OPA1: variants seen among roughly 807,000 people sequenced by gnomAD.
The protein encoded by OPA1 is dynamin-like GTPase OPA1, mitochondrial.
Under a neutral mutation model 152.9 loss-of-function variants are expected in OPA1, and 59 were observed. That is an observed-to-expected ratio of 0.39 (90% confidence interval 0.31 to 0.48). The LOEUF (loss-of-function observed/expected upper bound fraction) is 0.48, where lower values mean the gene tolerates loss of function less well. Ranked by LOEUF, OPA1 falls within the 20% of genes least tolerant of loss-of-function variation. The probability of loss-of-function intolerance (pLI) is 0.96; values close to 1 mark genes in which losing one functional copy is unlikely to be tolerated. For synonymous variants in OPA1, 400 were observed against 389.9 expected (o/e 1.03, Z -0.31); for missense variants, 1,008 against 1,216.8 (o/e 0.83, Z 2.55).
At chr3:193,613,300 A>G (rs1441615670) in intron 1 of OPA1, among the ~76,000 whole-genome samples, 3 of 152,192 alleles carry the variant, frequency 2.0e-5, no homozygotes, top group Non-Finnish European at 4.4e-5. Flanking sequence ...CCACAAGAAC[A>G]CAAATATAGA....
At chr3:193,685,343 G>GT in intron 29 of OPA1, among the ~76,000 whole-genome samples, 1 of 151,888 alleles carries the variant, frequency 6.6e-6, no homozygotes, top group Non-Finnish European at 1.5e-5. Context: ...TTGCTGTGGA[G>GT]TTTTTTATAT....
intron 8 of OPA1, among the ~76,000 whole-genome samples, chr3:193,632,793 C>T (rs1732301305): frequency 6.6e-6 from 1 of 152,048 alleles, no homozygotes; most frequent in African/African-American, 2.4e-5. Flanking sequence ...TCACTTGAGC[C>T]CCAGGAGGTC....
At chr3:193,611,367 G>A (rs571122526) in intron 1 of OPA1, among the ~76,000 whole-genome samples, 91 of 152,218 alleles carry the variant, frequency 6.0e-4, no homozygotes, top group Non-Finnish European at 1.0e-3. Flanking sequence ...GGAAGGCCAA[G>A]GTGGGAGGAT....
At chr3:193,620,674 T>C (rs1377908454) in intron 6 of OPA1, among the ~76,000 whole-genome samples, 1 of 152,214 alleles carries the variant, frequency 6.6e-6, no homozygotes. Context: ...GTAATTAAGC[T>C]ACTTTCATTA....
chr3:193,595,470 A>T (rs1725340697), intron 1 of OPA1, among the ~76,000 whole-genome samples: 1 of 152,260 alleles, frequency 6.6e-6, no homozygotes, highest in South Asian at 2.1e-4. Context: ...TTTTGACTGA[A>T]TATTGAAGTC....
chr3:193,673,167 C>T (rs1577357290), intron 29 of OPA1, among the ~76,000 whole-genome samples: 1 of 152,054 alleles, frequency 6.6e-6, no homozygotes, highest in Admixed American at 6.5e-5. Context: ...CACTACTGTG[C>T]CAGAATCATT....
intron 29 of OPA1, among the ~76,000 whole-genome samples, chr3:193,677,202 A>G (rs1329655577): frequency 2.0e-5 from 3 of 151,278 alleles, no homozygotes; most frequent in Non-Finnish European, 4.4e-5. Context: ...GCCATTTATC[A>G]TTTTAATGTA....
At chr3:193,678,748 A>T (rs967040782) in intron 29 of OPA1, among the ~76,000 whole-genome samples, 3 of 152,274 alleles carry the variant, frequency 2.0e-5, no homozygotes, top group African/African-American at 7.2e-5. Flanking sequence ...TTGAACAGTA[A>T]TCCCATACCT....
chr3:193,600,722 A>G (rs962123301), intron 1 of OPA1, among the ~76,000 whole-genome samples: 3 of 152,224 alleles, frequency 2.0e-5, no homozygotes, highest in Admixed American at 2.0e-4. Context: ...TGTTAATACA[A>G]GTCATAATAA....
Position 193,593,281 on chromosome 3 carries a change from C to A in OPA1, c.-97C>A. ...TCTGTGCCCTTGCTGCTGAGGGCCACTTCCTGGGTCATTCCTGGACCGGGA... is the reference window on the plus strand; with the variant it reads ...TCTGTGCCCTTGCTGCTGAGGGCCAATTCCTGGGTCATTCCTGGACCGGGA... On this transcript the variant is annotated 5_prime_UTR_variant, in exon 1 of 31. Transcript: ENST00000361510. 7.4e-7 allele frequency: 1 copy of A among 1,345,188 alleles called. No individual in the cohort carries two copies. Among genetic ancestry groups the A allele is most frequent in the Non-Finnish European group, 1.0e-6 (1 of 998,434 alleles). The allele number at this position is 1,345,188 out of a possible 1,614,324, so 83.3% of individuals were successfully genotyped here.
Position 193,647,968 on chromosome 3 carries a change from C to G in OPA1, c.1871-102C>G. On this transcript the variant is annotated intron_variant, in intron 19 of 30. Transcript: ENST00000361510. ...TACTAAGGGGTCATAGGCGCACTCTCAGAAATTCAGTTAATACAGAGGATA... is the reference window on the plus strand; with the variant it reads ...TACTAAGGGGTCATAGGCGCACTCTGAGAAATTCAGTTAATACAGAGGATA... The G allele has an allele frequency of 1.1e-5, 9 of 831,644 alleles. No individual in the cohort carries two copies. The South Asian group carries it at 1.3e-4, about 12-fold the overall frequency. The allele number at this position is 831,644 out of a possible 1,614,324, so 51.5% of individuals were successfully genotyped here. A position where few individuals can be genotyped will look rare whatever the true frequency, so the allele number is the denominator to read the frequency against.
intron 3 of OPA1, 99 bp from the exon 4 acceptor site, chr3:193,617,079 G>T: frequency 1.3e-6 from 1 of 743,086 alleles, no homozygotes; most frequent in Non-Finnish European, 2.4e-6. Context: ...TTGTAGGGTT[G>T]TCATGAGGAT....
intron 20 of OPA1, chr3:193,648,345 C>T: frequency 2.1e-6 from 1 of 478,962 alleles, no homozygotes. Flanking sequence ...TATAAGATGT[C>T]AAAACAAGTG....
intron 21 of OPA1, among the ~76,000 whole-genome samples, chr3:193,651,763 A>G (rs1269620784): frequency 1.3e-5 from 2 of 152,198 alleles, no homozygotes; most frequent in African/African-American, 2.4e-5. Context: ...GTAAATACAC[A>G]CAAATAGTTA....
intron 29 of OPA1, among the ~76,000 whole-genome samples, chr3:193,686,175 T>C (rs1335460751): frequency 1.3e-5 from 2 of 152,194 alleles, no homozygotes; most frequent in East Asian, 3.8e-4. Context: ...GAGTTCCTAA[T>C]CAGTATAAGG....
intron 29 of OPA1, among the ~76,000 whole-genome samples, chr3:193,676,775 TC>T (rs927092274): frequency 6.6e-5 from 10 of 152,058 alleles, no homozygotes; most frequent in African/African-American, 1.4e-4. Flanking sequence ...GGTCAGGAGA[TC>T]CAGACCATCC....
chr3:193,626,181 C>G lies in OPA1; in HGVS notation c.768C>G (p.Ser256Arg), dbSNP rs751010108. The change falls in exon 7 of 31, where the codon AGC becomes AGG. Residue 256 changes from serine (S) to arginine (R), a missense_variant. Around this residue, in one of 7 missense-constraint regions of OPA1, gnomAD observed 408 missense variants for 395.1 expected, o/e 1.03. Coordinates refer to ENST00000361510, the MANE Select transcript of OPA1 (RefSeq NM_130837.3). ...GAGCCGCTGGCCAATATAGCACGAG[C>G]TATGCCCAACAGAAGCGCAAGGTGA... ...ARRAAGQYST[S>R]YAQQKRKVSD... 2 of 1,613,900 alleles carry G rather than the reference C, an allele frequency of 1.2e-6. No individual in the cohort carries two copies. The highest frequency in any genetic ancestry group is 1.7e-6 in the Non-Finnish European group (2 of 1,179,786).
rs529607584 is a variant in OPA1 at position 193,594,351 on chromosome 3, T to G, written c.32+942T>G. On this transcript the variant is annotated intron_variant, in intron 1 of 30. Transcript: ENST00000361510. ...GACCTTTTTAAGTGGTATAGATAAT[T>G]TATCGTGTTTATAAGGAATGGAATG... 6.6e-5 allele frequency among the ~76,000 whole-genome samples: 10 copies of G among 152,238 alleles called. No individual in the cohort carries two copies. The South Asian group carries it at 1.9e-3, about 28-fold the overall frequency.
At chr3:193,685,771 CAAA>C (rs904622092) in intron 29 of OPA1, among the ~76,000 whole-genome samples, 2 of 150,696 alleles carry the variant, frequency 1.3e-5, no homozygotes, top group Non-Finnish European at 3.0e-5. Context: ...AAGGAATAAA[CAAA>C]AAAAATTTAA....
Sources: allele counts gnomAD v4.1 joint callset (sites outside exome capture counted in the v4.1 genomes callset), GRCh38; gene constraint gnomAD v4.1.1; regional missense constraint gnomAD v4.1.1; transcripts MANE v1.5; gene names NCBI Gene and HGNC (gene_info 2026-07-23, HGNC 2026-07-21).